Variants in KCNIP2 observed in about 807,000 individuals in gnomAD.
KCNIP2 encodes the protein A-type potassium channel modulatory protein KCNIP2.
A neutral mutation model predicts 39.0 loss-of-function variants in KCNIP2; 19 were observed. That is an observed-to-expected ratio of 0.49 (90% CI 0.34 to 0.71). KCNIP2 has a LOEUF of 0.71. Among genes scored for constraint, KCNIP2 ranks in the 30% least tolerant of loss-of-function variants. KCNIP2 has a pLI of 0.01. For missense variants in KCNIP2, 261 were observed against 346.0 expected, an observed-to-expected ratio of 0.75 and a Z score of 1.95; for synonymous variants, 111 against 131.2, an observed-to-expected ratio of 0.85 and a Z score of 1.05.
intron 2 of KCNIP2, chr10:101,830,554 G>A: frequency 9.9e-6 from 9 of 913,354 alleles, no homozygotes; most frequent in South Asian, 6.9e-5. Context: ...TTGCGGGAGC[G>A]GTGACACACA....
intron 3 of KCNIP2, 51 bp from the exon 4 acceptor site, chr10:101,829,250 C>G (rs1456667779): frequency 1.3e-6 from 2 of 1,556,032 alleles, no homozygotes; most frequent in Non-Finnish European, 1.7e-6. Flanking sequence ...TCCGCGACCC[C>G]TCTTCAAATC....
Position 101,828,146 on chromosome 10 carries a change from T to A in KCNIP2, c.597+5A>T. The stretch of plus-strand genomic sequence containing the variant: ...CAGACCCCCAGCCCTTCAGTTGCCC[T>A]GCACCTCCTTGGTGATGCAGCCGTC... On this transcript the variant is annotated splice_donor_5th_base_variant and intron_variant, in intron 7 of 9. Transcript: ENST00000356640. This position sits in a 1 kb window ranked among gnomAD's most constrained non-coding sequence, Gnocchi z 6.6. The A allele has an allele frequency of 6.2e-7, 1 of 1,613,170 alleles. No individual in the cohort carries two copies. The highest frequency in any genetic ancestry group is 8.5e-7 in the Non-Finnish European group (1 of 1,179,206).
intron 2 of KCNIP2, 79 bp downstream of exon 2, chr10:101,830,993 G>A: frequency 7.9e-7 from 1 of 1,261,552 alleles, no homozygotes; most frequent in East Asian, 2.4e-5. Flanking sequence ...CAGGCCTGGG[G>A]CACACGCGCA....
chr10:101,834,464 A>G, intron 1 of KCNIP2: 1 of 398,310 alleles, frequency 2.5e-6, no homozygotes, highest in Non-Finnish European at 4.4e-6. Context: ...CAGCCTGAGT[A>G]GGACTGCCTG....
chr10:101,834,190 A>G (rs2066077173), intron 1 of KCNIP2: 2 of 398,788 alleles, frequency 5.0e-6, no homozygotes, highest in Non-Finnish European at 8.8e-6. Context: ...ATGAAGACAG[A>G]CAAACACCCT....
intron 1 of KCNIP2, among the ~76,000 whole-genome samples, chr10:101,835,385 C>T (rs2066121730): frequency 6.6e-6 from 1 of 152,086 alleles, no homozygotes; most frequent in African/African-American, 2.4e-5. Flanking sequence ...CACTTAACCC[C>T]ATCAGGACCC....
rs1472995029 is a variant in KCNIP2 at position 101,843,448 on chromosome 10, G to A, written c.73+48C>T. On this transcript the variant is annotated intron_variant, in intron 1 of 9. Transcript: ENST00000356640. This position sits in a 1 kb window ranked among gnomAD's most constrained non-coding sequence, Gnocchi z 6.7. ...GGTCGGAGAGGCGGAAGGGTCTGGA[G>A]GAATGGAATCCACCCTCCCTCCCGC... 3.0e-6 allele frequency: 4 copies of A among 1,325,656 alleles called. No individual in the cohort carries two copies. Among genetic ancestry groups the A allele is most frequent in the African/African-American group, 1.5e-5 (1 of 65,760 alleles). The allele number at this position is 1,325,656 out of a possible 1,614,324, so 82.1% of individuals were successfully genotyped here.
chr10:101,839,680 C>A, intron 1 of KCNIP2: 1 of 1,383,584 alleles, frequency 7.2e-7, no homozygotes, highest in South Asian at 1.2e-5. Context: ...CCCTCCCTAC[C>A]TCTGCGGAGC....
chr10:101,831,838 T>A (rs890983183), intron 1 of KCNIP2, among the ~76,000 whole-genome samples: 1 of 152,168 alleles, frequency 6.6e-6, no homozygotes, highest in Non-Finnish European at 1.5e-5. Flanking sequence ...ACTATGACAT[T>A]GTGACCTTAT....
rs997007951 is a variant in KCNIP2 at position 101,829,210 on chromosome 10, G to A, written c.224-11C>T. The A allele has an allele frequency of 1.9e-6, 3 of 1,608,432 alleles. No homozygotes were observed. In the African/African-American group the frequency reaches 4.0e-5, roughly 21 times the overall value. On this transcript the variant is annotated splice_polypyrimidine_tract_variant and intron_variant, in intron 3 of 9. Transcript: ENST00000356640. ...CATCGTCCACGCTGTCTGCGGGAGC[G>A]GTGAGGACAGCCGCGCCTCAGGCCC...
chr10:101,836,722 G>A (rs1564671239), intron 1 of KCNIP2, among the ~76,000 whole-genome samples: 1 of 152,126 alleles, frequency 6.6e-6, no homozygotes, highest in Non-Finnish European at 1.5e-5. Flanking sequence ...CAGCACTCTG[G>A]GAGGTCGAGG....
chr10:101,839,746 A>G (rs1228923789), intron 1 of KCNIP2: 1 of 1,611,854 alleles, frequency 6.2e-7, no homozygotes, highest in Non-Finnish European at 8.5e-7. Flanking sequence ...TCCCTTCCTC[A>G]TCATACCTGG....
At chr10:101,827,832 G>A in intron 8 of KCNIP2, 57 bp downstream of exon 8, 1 of 1,544,428 alleles carries the variant, frequency 6.5e-7, no homozygotes, top group Non-Finnish European at 9.0e-7. Flanking sequence ...TTCCCTGCTG[G>A]TTCTTGGCCT....
At chr10:101,830,956 T>A (rs749988399) in intron 2 of KCNIP2, 116 bp downstream of exon 2, 6 of 917,718 alleles carry the variant, frequency 6.5e-6, no homozygotes, top group Non-Finnish European at 1.0e-5. Context: ...CCCCCACACA[T>A]GCAGGCCTGG....
intron 1 of KCNIP2, among the ~76,000 whole-genome samples, chr10:101,842,870 C>T (rs2066373096): frequency 6.6e-6 from 1 of 152,204 alleles, no homozygotes; most frequent in Non-Finnish European, 1.5e-5. Context: ...CCACAAAACA[C>T]AACACAACCT....
rs745940978 is a variant in KCNIP2, at chr10:101,828,613, C to G, written c.418+14G>C. The G allele has an allele frequency of 2.5e-6, 4 of 1,612,782 alleles. No individual in the cohort carries two copies. The highest frequency in any genetic ancestry group is 2.2e-5 in the East Asian group (1 of 44,886). On this transcript the variant is annotated intron_variant, in intron 5 of 9. Coordinates refer to ENST00000356640, the MANE Select transcript of KCNIP2 (RefSeq NM_173191.3). The surrounding 1 kb of genome is among the most constrained non-coding windows in gnomAD (Gnocchi z 6.6). Reference sequence around the variant, plus strand: ...AGAAGGACAACTGCTTCCCCTTGGGCCTTGTCCCCTCACCTCCTTGAGGAA... The same window carrying G: ...AGAAGGACAACTGCTTCCCCTTGGGGCTTGTCCCCTCACCTCCTTGAGGAA...
At chr10:101,832,296 C>CTGTGTGTGTGTG (rs57005983) in intron 1 of KCNIP2, among the ~76,000 whole-genome samples, 82 of 140,054 alleles carry the variant, frequency 5.9e-4, no homozygotes, top group African/African-American at 1.5e-3. Context: ...CTCAGTGTTA[C>CTGTGTGTGTGTG]TGTGTGTGTG....
chr10:101,831,156 C>G lies in KCNIP2; in HGVS notation c.85G>C (p.Gly29Arg), dbSNP rs745729177. The change falls in exon 2 of 10, where the codon GGG becomes CGG. Residue 29 changes from glycine (G) to arginine (R), a missense_variant. By Grantham distance (125) the Gly-to-Arg change is moderately radical (BLOSUM62 -2). Transcript: ENST00000356640. ...SYDQLTGHPP[G>R]PTKKALKQRF... ...TGCTTCAGCGCTTTTTTAGTGGGCC[C>G]TGGAGGGTGGCCTGGGAAGAGAGAA... 1 of 1,606,438 alleles carries G rather than the reference C, an allele frequency of 6.2e-7. No homozygotes were observed. Among genetic ancestry groups the G allele is most frequent in the South Asian group, 1.1e-5 (1 of 89,666 alleles).
chr10:101,839,824 C>CGGG, intron 1 of KCNIP2: 1 of 1,609,292 alleles, frequency 6.2e-7, no homozygotes, highest in Middle Eastern at 1.7e-4. Flanking sequence ...CCGGCACCTG[C>CGGG]GGGGGCATCG....
Sources: gnomAD v4.1 joint callset for allele counts (sites outside exome capture counted in the v4.1 genomes callset) on GRCh38, gnomAD v4.1.1 for gene constraint, Gnocchi (gnomAD v3.1) non-coding constraint, MANE v1.5 for transcripts, NCBI Gene and HGNC (gene_info 2026-07-23, HGNC 2026-07-21) for gene names.